The following GANAB variants were observed in gnomAD, a reference collection of about 807,000 sequenced individuals.
GANAB encodes glucosidase II alpha subunit, also known as neutral alpha-glucosidase AB.
A neutral mutation model predicts 129.9 loss-of-function variants in GANAB; 35 were observed. That is an observed-to-expected ratio of 0.27 (90% CI 0.21 to 0.36). GANAB has a LOEUF of 0.36. GANAB is among the 10% of genes least tolerant of loss of function. GANAB has a pLI of 1.00. For synonymous variants in GANAB, 482 were observed against 451.8 expected (o/e 1.07, Z -0.85); for missense variants, 939 against 1,221.0 (o/e 0.77, Z 3.44).
rs1479160135 is a variant in GANAB at position 62,627,082 on chromosome 11, T to G, written c.2288A>C (p.His763Pro). The G allele has an allele frequency of 1.7e-5, 27 of 1,613,908 alleles. No homozygotes were observed. Among genetic ancestry groups the G allele is most frequent in the Non-Finnish European group, 2.3e-5 (27 of 1,179,898 alleles). ...GCCAGGCAGATAGACCTGGACACCATGGGCTCCAGAGTCTGATACAGGGTG... is the reference window on the plus strand; with the variant it reads ...GCCAGGCAGATAGACCTGGACACCAGGGGCTCCAGAGTCTGATACAGGGTG... ...LVHPVSDSGA[H>P]GVQVYLPGQG... The change falls in exon 19 of 24, where the codon CAT (histidine) becomes CCT (proline). Residue 763 changes from histidine to proline, a missense_variant. Coordinates refer to ENST00000356638, the MANE Select transcript of GANAB (RefSeq NM_198334.3).
At chr11:62,642,527 T>C (rs1192137376) in intron 1 of GANAB, among the ~76,000 whole-genome samples, 1 of 151,816 alleles carries the variant, frequency 6.6e-6, no homozygotes, top group Admixed American at 6.6e-5. Flanking sequence ...CTCTGCCTCC[T>C]GGGTTCAAGC....
Position 62,640,262 on chromosome 11 carries a change from G to A in GANAB, c.39-531C>T, listed in dbSNP as rs186171850. 1.6e-3 allele frequency among the ~76,000 whole-genome samples: 130 copies of A among 79,432 alleles called. 2 individuals carry two copies. The East Asian group carries it at 0.037, about 22-fold the overall frequency. 52.1% of individuals were successfully genotyped at this position (79,432 alleles called of 152,430 possible). A position where few individuals can be genotyped will look rare whatever the true frequency, so the allele number is the denominator to read the frequency against. On this transcript the variant is annotated intron_variant, in intron 1 of 23. Transcript: ENST00000356638. ...AAAAAAAAAAAAAAAAGCCAGGCGC[G>A]GTGGCTCACGCCTGTAATCCCAGCA...
At chr11:62,643,803 G>A (rs1234567664) in intron 1 of GANAB, among the ~76,000 whole-genome samples, 2 of 152,004 alleles carry the variant, frequency 1.3e-5, no homozygotes, top group Middle Eastern at 3.2e-3. Flanking sequence ...GTGACAAAGT[G>A]TGACTCTGTC....
In GANAB at chr11:62,630,417, G is replaced by A. The variant is rs772248237; in HGVS notation, c.1475C>T (p.Thr492Ile). ...GCCCTCATAGTCAGAGCCATCCCGG[G>A]TTTTAACATACAGCCCCAGGTTCCG... ...ELRNLGLYVK[T>I]RDGSDYEGWC... Residue 492 changes from threonine to isoleucine, a missense_variant, in exon 12 of 24, where the codon ACC becomes ATC. This residue lies in a region of GANAB where 220 missense variants were observed against 295.9 expected (regional missense o/e 0.74). Coordinates refer to ENST00000356638, the MANE Select transcript of GANAB (RefSeq NM_198334.3). 7.4e-6 allele frequency: 12 copies of A among 1,614,208 alleles called. No homozygotes were observed. Among genetic ancestry groups the A allele is most frequent in the Non-Finnish European group, 9.3e-6 (11 of 1,180,040 alleles).
rs774379348 is a variant in GANAB, at chr11:62,626,116, C to T, written c.2674G>A (p.Val892Met). The part of the protein sequence containing the change: ...HFETPIWIER[V>M]VIIGAGKPAA... ...GGCTTTCCAGCCCCTATTATCACCA[C>T]CCGCTCAATCCAGATTGGTGTCTCA... Residue 892 changes from valine to methionine, a missense_variant, in exon 23 of 24, where the codon GTG becomes ATG. Coordinates refer to ENST00000356638, the MANE Select transcript of GANAB (RefSeq NM_198334.3). 3.1e-6 allele frequency: 5 copies of T among 1,614,076 alleles called. No homozygotes were observed. The South Asian group carries it at 4.4e-5, about 14-fold the overall frequency.
intron 23 of GANAB, 22 bp from the exon 24 acceptor site, chr11:62,625,946 G>A: frequency 6.5e-7 from 1 of 1,546,662 alleles, no homozygotes; most frequent in Non-Finnish European, 8.9e-7. Context: ...ATAAAAGAGT[G>A]CCATAGTCAT....
chr11:62,633,017 A>T lies in GANAB; in HGVS notation c.803T>A (p.Leu268Gln). 1 of 1,596,658 alleles carries T rather than the reference A, an allele frequency of 6.3e-7. No individual in the cohort carries two copies. Among genetic ancestry groups the T allele is most frequent in the Non-Finnish European group, 8.6e-7 (1 of 1,164,148 alleles). The change falls in exon 8 of 24, where the codon CTG becomes CAG. Residue 268 changes from leucine to glutamine, a missense_variant. This residue lies in a region of GANAB where 21 missense variants were observed against 53.7 expected (regional missense o/e 0.39). Transcript: ENST00000356638. Reference sequence around the variant, plus strand: ...CCATAGGACTCACTCAGTGACCTTCAGCCTCAGGTTGTCTGCATGCTCAGG... The same window carrying T: ...CCATAGGACTCACTCAGTGACCTTCTGCCTCAGGTTGTCTGCATGCTCAGG... ...GIPEHADNLRLKVTEGGEPYR... is the reference protein window; with the variant it reads ...GIPEHADNLRQKVTEGGEPYR...
intron 20 of GANAB, 36 bp downstream of exon 20, chr11:62,626,824 G>T: frequency 6.6e-7 from 1 of 1,509,896 alleles, no homozygotes; most frequent in South Asian, 1.1e-5. Context: ...AAATTTACAG[G>T]GAGATGGAAC....
At chr11:62,640,249 A>AAAAAAAAAAAAAAAAAAC (rs1944175463) in intron 1 of GANAB, among the ~76,000 whole-genome samples, 1 of 94,096 alleles carries the variant, frequency 1.1e-5, no homozygotes, top group Non-Finnish European at 2.3e-5. Flanking sequence ...AAAAAAAAAA[A>AAAAAAAAAAAAAAAAAAC]AAAGCCAGGC....
chr11:62,646,600 C>G lies in GANAB; in HGVS notation c.-1G>C. 6.2e-7 allele frequency: 1 copy of G among 1,614,060 alleles called. No homozygotes were observed. The highest frequency in any genetic ancestry group is 1.1e-5 in the South Asian group (1 of 91,088). On this transcript the variant is annotated 5_prime_UTR_variant, in exon 1 of 24. Coordinates refer to ENST00000356638, the MANE Select transcript of GANAB (RefSeq NM_198334.3). ...CCGCCACTGCCGCTACCGCCGCCAT[C>G]TTGTGCAGAGTTTGCTCCTTGACCC...
chr11:62,627,415 C>G, intron 17 of GANAB, 62 bp from the exon 18 acceptor site: 1 of 861,194 alleles, frequency 1.2e-6, no homozygotes, highest in Non-Finnish European at 2.0e-6. Context: ...CAGAAATGCT[C>G]CTCCAGGAAC....
At chr11:62,638,903 A>G in intron 4 of GANAB, 80 bp downstream of exon 4, 1 of 1,448,648 alleles carries the variant, frequency 6.9e-7, no homozygotes, top group South Asian at 1.2e-5. Context: ...ATTTTGGGAA[A>G]GAATATCAGC....
rs202127265 is a variant in GANAB, at chr11:62,624,897, TA to T, written c.*917del. ...GTCACAGCTGGGAACCAAGAGGAAG[TA>T]AAAAAAATACCCACAAATATTCCCC... On this transcript the variant is annotated 3_prime_UTR_variant, in exon 24 of 24. Transcript: ENST00000356638. 1.0e-4 allele frequency: 26 copies of T among 258,520 alleles called. No homozygotes were observed. Among genetic ancestry groups the T allele is most frequent in the South Asian group, 2.9e-4 (8 of 27,316 alleles). The allele number at this position is 258,520 out of a possible 1,614,324, so 16.0% of individuals were successfully genotyped here.
intron 4 of GANAB, among the ~76,000 whole-genome samples, chr11:62,638,192 C>T (rs1264822978): frequency 3.3e-5 from 5 of 152,154 alleles, no homozygotes; most frequent in African/African-American, 1.2e-4. Context: ...CTCACTCTGT[C>T]GCCCAGGCTG....
rs1033886387 is a variant in GANAB at position 62,634,966 on chromosome 11, C to T, written c.415G>A (p.Glu139Lys). 1.2e-6 allele frequency: 2 copies of T among 1,613,610 alleles called. No individual in the cohort carries two copies. Among genetic ancestry groups the T allele is most frequent in the Admixed American group, 3.3e-5 (2 of 59,972 alleles). ...TAGGGTCCCTCAGCCATGGTTAACTCCACACTGTTCTCATCACGACCAGAG... is the reference window on the plus strand; with the variant it reads ...TAGGGTCCCTCAGCCATGGTTAACTTCACACTGTTCTCATCACGACCAGAG... ...SVSGRDENSV[E>K]LTMAEGPYKI... is the part of the protein sequence containing the mutation. The change falls in exon 5 of 24, where the codon GAG (glutamate) becomes AAG (lysine). Residue 139 changes from glutamate (E) to lysine (K), a missense_variant. By Grantham distance (56) the Glu-to-Lys change is moderately conservative. Transcript: ENST00000356638.
intron 1 of GANAB, among the ~76,000 whole-genome samples, chr11:62,644,760 C>G (rs940812805): frequency 6.6e-6 from 1 of 152,042 alleles, no homozygotes; most frequent in Non-Finnish European, 1.5e-5. Context: ...GAGGTGGAAG[C>G]TGGAGTAAGC....
At position 62,632,651 on chromosome 11, in the gene GANAB, C is replaced by T. The variant is rs149337297; in HGVS notation, c.910G>A (p.Ala304Thr). 88 of 1,613,714 alleles carry T rather than the reference C, an allele frequency of 5.5e-5. No homozygotes were observed. Among genetic ancestry groups the T allele is most frequent in the Non-Finnish European group, 6.9e-5 (81 of 1,179,766 alleles). ...CCCAAGTCGCGATGAGGGTTGTGTG[C>T]CAGGAGCACAGGCACAGACCCATAC... ...ALYGSVPVLL[A>T]HNPHRDLGIF... The change falls in exon 9 of 24, where the codon GCA (alanine) becomes ACA (threonine). Residue 304 changes from alanine (A) to threonine (T), a missense_variant. This residue lies in a region of GANAB where 220 missense variants were observed against 295.9 expected (regional missense o/e 0.74). Transcript: ENST00000356638.
intron 1 of GANAB, among the ~76,000 whole-genome samples, chr11:62,640,253 G>A (rs1420324661): frequency 0.015 from 477 of 32,712 alleles, no homozygotes; most frequent in East Asian, 0.04. Context: ...AAAAAAAAAA[G>A]CCAGGCGCGG....
chr11:62,633,360 G>A (rs2134496410), intron 6 of GANAB, 85 bp downstream of exon 6: 3 of 1,536,370 alleles, frequency 2.0e-6, no homozygotes, highest in South Asian at 2.2e-5. Flanking sequence ...CTGATGGGGA[G>A]ACTAAGTTCA....
Sources: allele counts gnomAD v4.1 joint callset (sites outside exome capture counted in the v4.1 genomes callset), GRCh38; gene constraint gnomAD v4.1.1; regional missense constraint gnomAD v4.1.1; transcripts MANE v1.5; gene names NCBI Gene and HGNC (gene_info 2026-07-23, HGNC 2026-07-21).